Variants in PROSER2 observed in about 807,000 individuals in gnomAD.
The protein encoded by PROSER2 is proline and serine-rich protein 2.
PROSER2 carries 18 observed loss-of-function variants against 14.6 expected under a neutral mutation model. The observed-to-expected ratio is 1.23, with a 90% CI of 0.85 to 1.83. The LOEUF (loss-of-function observed/expected upper bound fraction) is 1.83. Among genes scored for constraint, PROSER2 ranks in the 40% most tolerant of loss-of-function variants. The probability of loss-of-function intolerance (pLI) is 0.00; values close to 1 mark genes in which losing one functional copy is unlikely to be tolerated. For synonymous variants in PROSER2, 367 were observed against 286.4 expected (o/e 1.28, Z -2.84); for missense variants, 823 against 629.8 (o/e 1.31, Z -3.28).
At chr10:11,848,305 A>G (rs543231536) in intron 1 of PROSER2, among the ~76,000 whole-genome samples, 1 of 152,274 alleles carries the variant, frequency 6.6e-6, no homozygotes, top group African/African-American at 2.4e-5. Context: ...AGTAGCTGGA[A>G]TTACAGGCAC....
chr10:11,842,375 G>A (rs1212154544), intron 1 of PROSER2, among the ~76,000 whole-genome samples: 1 of 150,616 alleles, frequency 6.6e-6, no homozygotes, highest in Non-Finnish European at 1.5e-5. Flanking sequence ...CTTTTGGAAT[G>A]ATTTTTTTTT....
At chr10:11,850,164 G>A (rs1295001905) in intron 1 of PROSER2, 2 of 152,272 alleles carry the variant, frequency 1.3e-5, no homozygotes, top group African/African-American at 4.8e-5. Flanking sequence ...GGATACAACT[G>A]ACGTCGTAAA....
At chr10:11,828,468 A>C (rs1268526913) in intron 1 of PROSER2, among the ~76,000 whole-genome samples, 1 of 152,098 alleles carries the variant, frequency 6.6e-6, no homozygotes, top group Non-Finnish European at 1.5e-5. Flanking sequence ...ATGGGAGGCC[A>C]AGGCAGGCGG....
rs947223781 is a variant in PROSER2, at chr10:11,836,039, T to C, written c.-82+12569T>C. Reference sequence around the variant, plus strand: ...GGATTTTGGGGGGATGTGGCTTTATTTATTTATCTAGAGACAGAGTCTCAC... The same window carrying C: ...GGATTTTGGGGGGATGTGGCTTTATCTATTTATCTAGAGACAGAGTCTCAC... On this transcript the variant is annotated intron_variant, in intron 1 of 3. Coordinates refer to ENST00000277570, the MANE Select transcript of PROSER2 (RefSeq NM_153256.4). This position sits in a 1 kb window ranked among gnomAD's most constrained non-coding sequence, Gnocchi z 4.6. Among the ~76,000 whole-genome samples the C allele has an allele frequency of 2.0e-5, 3 of 151,994 alleles. No homozygotes were observed. The highest frequency in any genetic ancestry group is 7.3e-5 in the African/African-American group (3 of 41,372).
chr10:11,857,743 TAAAAAAAA>T (rs374000135), intron 2 of PROSER2, among the ~76,000 whole-genome samples: 2 of 106,556 alleles, frequency 1.9e-5, no homozygotes, highest in South Asian at 3.7e-4. Flanking sequence ...AGACCCCATC[TAAAAAAAA>T]AAAAAAAAAA....
Position 11,870,292 on chromosome 10 carries a change from A to G in PROSER2, c.1194A>G (p.Ala398=). 6 of 1,494,000 alleles carry G rather than the reference A, an allele frequency of 4.0e-6. No individual in the cohort carries two copies. The highest frequency in any genetic ancestry group is 5.3e-6 in the Non-Finnish European group (6 of 1,128,406). The allele number at this position is 1,494,000 out of a possible 1,614,324, so 92.5% of individuals were successfully genotyped here. Residue 398 remains alanine, a synonymous_variant, in exon 4 of 4, where the codon GCA becomes GCG. Transcript: ENST00000277570. ...QPNGAQDWRR[A]DSLPRPQGIT... ...ACGGCGCCCAGGACTGGCGCCGCGCAGACTCCCTGCCCCGGCCCCAGGGCA... is the reference window on the plus strand; with the variant it reads ...ACGGCGCCCAGGACTGGCGCCGCGCGGACTCCCTGCCCCGGCCCCAGGGCA...
In PROSER2 at chr10:11,836,578, A is replaced by G. The variant is rs1425652615; in HGVS notation, c.-82+13108A>G. The stretch of plus-strand genomic sequence containing the variant: ...AACAAATCTTCACAAAATTCATGGT[A>G]TGCACGCCGGCCCCTTCCTAGCGTG... On this transcript the variant is annotated intron_variant, in intron 1 of 3. Transcript: ENST00000277570. The surrounding 1 kb of genome is among the most constrained non-coding windows in gnomAD (Gnocchi z 4.6). Among the ~76,000 whole-genome samples, 1 of 152,148 alleles carries G rather than the reference A, an allele frequency of 6.6e-6. No individual in the cohort carries two copies. The highest frequency in any genetic ancestry group is 1.5e-5 in the Non-Finnish European group (1 of 68,022).
In PROSER2 at chr10:11,869,909, C is replaced by G. The variant is rs746337382; in HGVS notation, c.811C>G (p.Leu271Val). 1 of 1,578,652 alleles carries G rather than the reference C, an allele frequency of 6.3e-7. No homozygotes were observed. Among genetic ancestry groups the G allele is most frequent in the Non-Finnish European group, 8.6e-7 (1 of 1,165,890 alleles). The change falls in exon 4 of 4, where the codon CTG becomes GTG. Residue 271 changes from leucine to valine, a missense_variant. Leu to Val is a conservative substitution (Grantham distance 32, BLOSUM62 1). Coordinates refer to ENST00000277570, the MANE Select transcript of PROSER2 (RefSeq NM_153256.4). The surrounding 1 kb of genome is among the most constrained non-coding windows in gnomAD (Gnocchi z 4.4). ...CGCGGCCCGGGAGCCCCGCAGGACC[C>G]TGTCCAGGGCGGCCGTCAGCGTGCA... ...NGAAREPRRT[L>V]SRAAVSVQER...
intron 3 of PROSER2, among the ~76,000 whole-genome samples, chr10:11,867,752 G>A (rs371509430): frequency 2.8e-4 from 42 of 152,284 alleles, no homozygotes; most frequent in Non-Finnish European, 5.3e-4. Context: ...CCTGCTGTGC[G>A]CCCCAGTTCC....
chr10:11,855,846 A>G (rs549517004), intron 2 of PROSER2, among the ~76,000 whole-genome samples: 2 of 152,334 alleles, frequency 1.3e-5, no homozygotes, highest in Non-Finnish European at 2.9e-5. Flanking sequence ...TGTTGAGGCT[A>G]TCCGTATGGC....
At chr10:11,840,786 G>A (rs922165643) in intron 1 of PROSER2, among the ~76,000 whole-genome samples, 1 of 151,342 alleles carries the variant, frequency 6.6e-6, no homozygotes, top group African/African-American at 2.4e-5. Flanking sequence ...TTAGCTGGGC[G>A]TGGTGGCTCA....
chr10:11,840,872 C>T lies in PROSER2; in HGVS notation c.-81-11125C>T, dbSNP rs181309436. The stretch of plus-strand genomic sequence containing the variant: ...CCAGGGAGGCGGAGGTTACAGTGAG[C>T]GAAGATTGCACCATTGCACTCCAGC... On this transcript the variant is annotated intron_variant, in intron 1 of 3. Transcript: ENST00000277570. Among the ~76,000 whole-genome samples, 284 of 131,594 alleles carry T rather than the reference C, an allele frequency of 2.2e-3. 5 individuals carry two copies. Among genetic ancestry groups the T allele is most frequent in the Non-Finnish European group, 3.4e-4 (22 of 65,244 alleles). The allele number at this position is 131,594 out of a possible 152,430, so 86.3% of individuals were successfully genotyped here.
chr10:11,855,345 G>C (rs1002326631), intron 2 of PROSER2, among the ~76,000 whole-genome samples: 2 of 151,588 alleles, frequency 1.3e-5, no homozygotes, highest in Non-Finnish European at 2.9e-5. Context: ...GTGTTGGCGG[G>C]CGCCTGTAGT....
rs41291267 is a variant in PROSER2 at position 11,871,594 on chromosome 10, T to C, written c.*1188T>C. 0.11 allele frequency: 17,370 copies of C among 152,220 alleles called. 1,175 individuals are homozygous for C. Among genetic ancestry groups the C allele is most frequent in the Non-Finnish European group, 0.15 (10,396 of 67,992 alleles). 9.4% of individuals were successfully genotyped at this position (152,220 alleles called of 1,614,324 possible). On this transcript the variant is annotated 3_prime_UTR_variant, in exon 4 of 4. Coordinates refer to ENST00000277570, the MANE Select transcript of PROSER2 (RefSeq NM_153256.4). The stretch of plus-strand genomic sequence containing the variant: ...CTCAGGGTAGGGAAAAACCAGTGAA[T>C]GAGGTTACACAGCAGGAAAAGAACC...
chr10:11,866,812 A>T lies in PROSER2; in HGVS notation c.391+29A>T, dbSNP rs1428336896. On this transcript the variant is annotated intron_variant, in intron 3 of 3. Transcript: ENST00000277570. This position sits in a 1 kb window ranked among gnomAD's most constrained non-coding sequence, Gnocchi z 6.0. The stretch of plus-strand genomic sequence containing the variant: ...AGGGGGAAGACAGGCCATCCCTGGG[A>T]TGTGGTTTCCTGGTGTCTGTGAGAC... 1 of 1,597,000 alleles carries T rather than the reference A, an allele frequency of 6.3e-7. No homozygotes were observed. The highest frequency in any genetic ancestry group is 8.5e-7 in the Non-Finnish European group (1 of 1,174,298).
chr10:11,825,778 C>A (rs1346141651), intron 1 of PROSER2, among the ~76,000 whole-genome samples: 2 of 152,166 alleles, frequency 1.3e-5, no homozygotes, highest in African/African-American at 2.4e-5. Flanking sequence ...CCTTGTCGGA[C>A]AGGGATGGGA....
chr10:11,827,102 T>C (rs1833626068), intron 1 of PROSER2, among the ~76,000 whole-genome samples: 1 of 150,120 alleles, frequency 6.7e-6, no homozygotes, highest in South Asian at 2.1e-4. Context: ...CCCAGGCTGG[T>C]CTCAAACTCC....
At chr10:11,858,410 T>C (rs1477829493) in intron 2 of PROSER2, among the ~76,000 whole-genome samples, 2 of 152,226 alleles carry the variant, frequency 1.3e-5, no homozygotes, top group African/African-American at 2.4e-5. Context: ...AGCTTTTTAT[T>C]GGGCTGCTGC....
rs1833572078 is a variant in PROSER2 at position 11,823,689 on chromosome 10, T to C, written c.-82+219T>C. Among the ~76,000 whole-genome samples, 1 of 151,458 alleles carries C rather than the reference T, an allele frequency of 6.6e-6. No individual in the cohort carries two copies. The highest frequency in any genetic ancestry group is 1.5e-5 in the Non-Finnish European group (1 of 67,796). On this transcript the variant is annotated intron_variant, in intron 1 of 3. Coordinates refer to ENST00000277570, the MANE Select transcript of PROSER2 (RefSeq NM_153256.4). This position sits in a 1 kb window ranked among gnomAD's most constrained non-coding sequence, Gnocchi z 6.2. ...CCCCCGACCCCGGGGCGTCGCTGCC[T>C]CCTCGGGGACCTCGGAGTCGGGGCG...
Sources: gnomAD v4.1 joint callset for allele counts (sites outside exome capture counted in the v4.1 genomes callset) on GRCh38, gnomAD v4.1.1 for gene constraint, Gnocchi (gnomAD v3.1) non-coding constraint, MANE v1.5 for transcripts, NCBI Gene and HGNC (gene_info 2026-07-23, HGNC 2026-07-21) for gene names.